The following PLEKHG1 variants were observed in gnomAD, a reference collection of about 807,000 sequenced individuals.
The protein encoded by PLEKHG1 is pleckstrin homology and RhoGEF domain containing G1.
A neutral mutation model predicts 100.8 loss-of-function variants in PLEKHG1; 44 were observed. That is an observed-to-expected ratio of 0.44 (90% confidence interval 0.34 to 0.56). PLEKHG1 has a LOEUF of 0.56. PLEKHG1 is among the 20% of genes least tolerant of loss of function. The pLI is 0.01. For synonymous variants in PLEKHG1, 640 were observed against 662.5 expected, an observed-to-expected ratio of 0.97 and a Z score of 0.52; for missense variants, 1,545 against 1,720.9, an observed-to-expected ratio of 0.90 and a Z score of 1.81.
chr6:150,761,240 G>A (rs1473525854), intron 2 of PLEKHG1, among the ~76,000 whole-genome samples: 1 of 150,272 alleles, frequency 6.7e-6, no homozygotes, highest in African/African-American at 2.5e-5. Flanking sequence ...CAAGTAGCTG[G>A]GACTACAGGG....
chr6:150,776,128 G>A (rs1387093942), intron 3 of PLEKHG1, among the ~76,000 whole-genome samples: 1 of 152,286 alleles, frequency 6.6e-6, no homozygotes, highest in Middle Eastern at 3.4e-3. Context: ...CATGGGATAT[G>A]TTCTGTAAAA....
At chr6:150,823,806 G>T (rs1776440959) in intron 14 of PLEKHG1, 130 bp downstream of exon 15, 5 of 671,222 alleles carry the variant, frequency 7.4e-6, no homozygotes, top group South Asian at 5.6e-5. Flanking sequence ...TTGGAAATAT[G>T]GTATTTTACA....
chr6:150,644,334 G>GTTTTTTTTTTTTGT (rs1778395401), intron 2 of PLEKHG1, among the ~76,000 whole-genome samples: 4 of 117,622 alleles, frequency 3.4e-5, no homozygotes, highest in Middle Eastern at 4.1e-3. Flanking sequence ...TTCTTTTCGT[G>GTTTTTTTTTTTTGT]TTTTTTTTTT....
intron 1 of PLEKHG1, among the ~76,000 whole-genome samples, chr6:150,612,050 C>A (rs76441799): frequency 1.5e-4 from 12 of 78,130 alleles, no homozygotes; most frequent in South Asian, 6.7e-4. Context: ...GTTGTTCCCC[C>A]CCCCCCCCCC....
intron 3 of PLEKHG1, among the ~76,000 whole-genome samples, chr6:150,675,698 G>T (rs893449807): frequency 3.3e-5 from 5 of 152,210 alleles, no homozygotes; most frequent in African/African-American, 4.8e-5. Context: ...TGTTGGCTAG[G>T]CTGGTCTCAA....
intron 2 of PLEKHG1, among the ~76,000 whole-genome samples, chr6:150,735,646 A>G (rs1782525203): frequency 6.6e-6 from 1 of 152,220 alleles, no homozygotes; most frequent in Non-Finnish European, 1.5e-5. Flanking sequence ...AAAGTTCAAC[A>G]ATGATGTCAT....
chr6:150,832,006 G>A (rs753657947), exon 15 of PLEKHG1: 39 of 1,613,802 alleles, frequency 2.4e-5, no homozygotes, highest in Non-Finnish European at 2.9e-5. Context: ...CTGACCTGGG[G>A]ATGGAGGCCA....
intron 1 of PLEKHG1, among the ~76,000 whole-genome samples, chr6:150,616,800 T>G (rs781318738): frequency 6.6e-6 from 1 of 152,226 alleles, no homozygotes; most frequent in Non-Finnish European, 1.5e-5. Flanking sequence ...CTTACTGTCT[T>G]GTAAGAACAC....
At chr6:150,751,922 C>T (rs1375928254) in intron 2 of PLEKHG1, among the ~76,000 whole-genome samples, 1 of 152,172 alleles carries the variant, frequency 6.6e-6, no homozygotes, top group Non-Finnish European at 1.5e-5. Flanking sequence ...GGCGAGGTGG[C>T]TCACGCCCGT....
chr6:150,682,051 G>A (rs1405241110), intron 3 of PLEKHG1, among the ~76,000 whole-genome samples: 1 of 152,116 alleles, frequency 6.6e-6, no homozygotes, highest in Non-Finnish European at 1.5e-5. Context: ...TCTGATGAGG[G>A]GCAAGCGTGA....
At chr6:150,612,053 C>CA (rs1343924725) in intron 1 of PLEKHG1, among the ~76,000 whole-genome samples, 2 of 104,902 alleles carry the variant, frequency 1.9e-5, no homozygotes, top group Non-Finnish European at 4.5e-5. Flanking sequence ...GTTCCCCCCC[C>CA]CCCCCCCTTT....
intron 10 of PLEKHG1, among the ~76,000 whole-genome samples, chr6:150,813,472 G>A (rs960405470): frequency 6.6e-6 from 1 of 151,848 alleles, no homozygotes; most frequent in Non-Finnish European, 1.5e-5. Flanking sequence ...GGTGTGTGTG[G>A]GTTCCTCCAG....
intron 1 of PLEKHG1, among the ~76,000 whole-genome samples, chr6:150,604,489 C>T (rs1776500552): frequency 6.6e-6 from 1 of 152,138 alleles, no homozygotes; most frequent in Non-Finnish European, 1.5e-5. Context: ...GCTCACAGGC[C>T]ATACAAAAAC....
At chr6:150,713,382 C>T (rs1299926702) in intron 3 of PLEKHG1, among the ~76,000 whole-genome samples, 1 of 152,098 alleles carries the variant, frequency 6.6e-6, no homozygotes, top group Non-Finnish European at 1.5e-5. Flanking sequence ...TAAATATCTC[C>T]GTCAATGGGA....
At chr6:150,722,503 G>A (rs979020938) in intron 1 of PLEKHG1, among the ~76,000 whole-genome samples, 30 of 151,838 alleles carry the variant, frequency 2.0e-4, no homozygotes, top group Admixed American at 1.4e-3. Flanking sequence ...ACAGGCACGC[G>A]CCACCATGCC....
chr6:150,789,984 G>A (rs1418721040), intron 4 of PLEKHG1, among the ~76,000 whole-genome samples: 1 of 152,006 alleles, frequency 6.6e-6, no homozygotes, highest in Non-Finnish European at 1.5e-5. Context: ...AGGGCTGGTG[G>A]GTCTTATACT....
At chr6:150,768,827 C>A in intron 3 of PLEKHG1, 89 bp downstream of exon 4, 1 of 740,728 alleles carries the variant, frequency 1.4e-6, no homozygotes, top group Non-Finnish European at 2.4e-6. Context: ...TACCTGTAAC[C>A]CCTGACTCAG....
chr6:150,762,400 T>C (rs1447431441), intron 2 of PLEKHG1, among the ~76,000 whole-genome samples: 1 of 151,872 alleles, frequency 6.6e-6, no homozygotes, highest in Admixed American at 6.6e-5. Context: ...GGTTTCGCCA[T>C]GTTGGCCAGG....
chr6:150,674,385 T>C (rs1264635818), intron 3 of PLEKHG1, among the ~76,000 whole-genome samples: 2 of 152,206 alleles, frequency 1.3e-5, no homozygotes, highest in East Asian at 3.9e-4. Flanking sequence ...GCTCTTTTAC[T>C]CTACTGTTAA....
Sources: gnomAD v4.1 joint callset for allele counts (sites outside exome capture counted in the v4.1 genomes callset) on GRCh38, gnomAD v4.1.1 for gene constraint, MANE v1.5 for transcripts, NCBI Gene and HGNC (gene_info 2026-07-23, HGNC 2026-07-21) for gene names.